Variants in KIAA1549 observed in about 807,000 individuals in gnomAD.
KIAA1549 encodes UPF0606 protein KIAA1549.
A neutral mutation model predicts 156.4 loss-of-function variants in KIAA1549; 70 were observed. The observed-to-expected ratio is 0.45, with a 90% CI of 0.37 to 0.55. KIAA1549 has a LOEUF of 0.55. Among genes scored for constraint, KIAA1549 ranks in the 20% least tolerant of loss-of-function variants. The probability of loss-of-function intolerance (pLI) is 0.00; values close to 1 mark genes in which losing one functional copy is unlikely to be tolerated. For missense variants in KIAA1549, 2,428 were observed against 2,540.9 expected (o/e 0.96, Z 0.96); for synonymous variants, 1,103 against 1,066.4 (o/e 1.03, Z -0.67).
intron 1 of KIAA1549, among the ~76,000 whole-genome samples, chr7:138,931,929 T>C (rs1207372010): frequency 6.6e-6 from 1 of 152,102 alleles, no homozygotes; most frequent in Non-Finnish European, 1.5e-5. Flanking sequence ...AGTTTTAAGG[T>C]TTTGTTTTTC....
intron 17 of KIAA1549, among the ~76,000 whole-genome samples, chr7:138,851,797 C>T (rs1305520429): frequency 6.6e-6 from 1 of 152,192 alleles, no homozygotes; most frequent in African/African-American, 2.4e-5. Context: ...GGTCTCCCCT[C>T]GTGCTCCCAG....
chr7:138,881,726 AG>A, intron 10 of KIAA1549, 142 bp from the exon 11 acceptor site: 1 of 705,804 alleles, frequency 1.4e-6, no homozygotes. Flanking sequence ...ACTGCATGCC[AG>A]GTTCTGTTTA....
At chr7:138,912,606 C>T (rs1050334261) in intron 2 of KIAA1549, 146 bp from the exon 3 acceptor site, 1 of 667,272 alleles carries the variant, frequency 1.5e-6, no homozygotes, top group Non-Finnish European at 2.7e-6. Flanking sequence ...CAAGACAGAA[C>T]AGGGGTTAAG....
At position 138,917,923 on chromosome 7, in the gene KIAA1549, G is replaced by A. The variant is rs1254894251; in HGVS notation, c.1703C>T (p.Ser568Leu). Residue 568 changes from serine (S) to leucine (L), a missense_variant, in exon 2 of 20, where the codon TCA (serine) becomes TTA (leucine). Ser to Leu is a moderately radical substitution (Grantham distance 145, BLOSUM62 -2). Transcript: ENST00000422774. Reference sequence around the variant, plus strand: ...TTTGTTTGCTATGACAGAGAAAGATGAGTCAAGGAGAATGCTGGTGATGAC... The same window carrying A: ...TTTGTTTGCTATGACAGAGAAAGATAAGTCAAGGAGAATGCTGGTGATGAC... The part of the protein sequence containing the change: ...FSVITSILLD[S>L]SFSVIANKNT... 1.3e-6 allele frequency: 2 copies of A among 1,597,820 alleles called. No homozygotes were observed. Among genetic ancestry groups the A allele is most frequent in the Non-Finnish European group, 8.5e-7 (1 of 1,172,134 alleles).
At chr7:138,906,880 C>T in intron 6 of KIAA1549, 39 bp downstream of exon 6, 1 of 1,357,992 alleles carries the variant, frequency 7.4e-7, no homozygotes, top group Non-Finnish European at 9.6e-7. Context: ...AAAATGCCCG[C>T]CATCACCTCC....
At chr7:138,856,429 G>A (rs961500785) in intron 16 of KIAA1549, among the ~76,000 whole-genome samples, 3 of 152,046 alleles carry the variant, frequency 2.0e-5, no homozygotes, top group African/African-American at 2.4e-5. Flanking sequence ...TTGAAGGCTC[G>A]CTGATTCTTC....
In KIAA1549 at chr7:138,917,904, T is replaced by C; in HGVS notation, c.1722A>G (p.Ala574=). ...ILLDSSFSVI[A]NKNTPSLAVR... ...CGGCAAGCGACGGTGTGTTTTTGTT[T>C]GCTATGACAGAGAAAGATGAGTCAA... The change falls in exon 2 of 20, where the codon GCA becomes GCG. Residue 574 remains alanine, a synonymous_variant. Coordinates refer to ENST00000422774, the MANE Select transcript of KIAA1549 (RefSeq NM_001164665.2). 6.2e-7 allele frequency: 1 copy of C among 1,602,094 alleles called. No individual in the cohort carries two copies. Among genetic ancestry groups the C allele is most frequent in the Non-Finnish European group, 8.5e-7 (1 of 1,174,312 alleles).
At chr7:138,853,915 T>G (rs1299292749) in intron 16 of KIAA1549, among the ~76,000 whole-genome samples, 1 of 152,148 alleles carries the variant, frequency 6.6e-6, no homozygotes, top group Non-Finnish European at 1.5e-5. Context: ...CCTACCAAAG[T>G]CTCAGGAGTT....
chr7:138,932,390 A>G (rs1486509672), intron 1 of KIAA1549, among the ~76,000 whole-genome samples: 1 of 147,582 alleles, frequency 6.8e-6, no homozygotes. Flanking sequence ...GCATGTCTGG[A>G]AAGGAACAGA....
At position 138,860,925 on chromosome 7, in the gene KIAA1549, G is replaced by A. The variant is rs146400082; in HGVS notation, c.5247+214C>T. On this transcript the variant is annotated intron_variant, in intron 16 of 19. Transcript: ENST00000422774. ...CTCCTGCCTTGGCCTCCTAAATTGC[G>A]GGGATTACAGGCATGAGCCTGTAAA... Among the ~76,000 whole-genome samples the A allele has an allele frequency of 3.8e-3, 586 of 152,262 alleles. 5 individuals carry two copies. Among genetic ancestry groups the A allele is most frequent in the African/African-American group, 0.014 (567 of 41,538 alleles).
At chr7:138,893,165 T>G (rs10270572) in intron 10 of KIAA1549, among the ~76,000 whole-genome samples, 51,954 of 152,114 alleles carry the variant, frequency 0.34, 11,683 homozygotes, top group African/African-American at 0.65. Context: ...AAACATACGT[T>G]GGAAAAGAAA....
chr7:138,868,377 G>C (rs559273335), intron 14 of KIAA1549, among the ~76,000 whole-genome samples: 2 of 152,280 alleles, frequency 1.3e-5, no homozygotes, highest in East Asian at 3.9e-4. Flanking sequence ...ATTCAGAAAA[G>C]AAGTCAGTGG....
Position 138,911,320 on chromosome 7 carries a change from A to G in KIAA1549, c.2971T>C (p.Tyr991His). The G allele has an allele frequency of 6.4e-7, 1 of 1,569,970 alleles. No individual in the cohort carries two copies. Among genetic ancestry groups the G allele is most frequent in the Non-Finnish European group, 8.7e-7 (1 of 1,154,216 alleles). The part of the protein sequence containing the change: ...HFNRAVELKV[Y>H]ELFTDFTFLV... ...AAAGTGAAGTCAGTAAATAGTTCGT[A>G]AACCTAGGGAAATAAGAAATACAAA... Residue 991 changes from tyrosine to histidine, a missense_variant, in exon 4 of 20, where the codon TAC becomes CAC. Physicochemically the swap from Tyr to His is moderately conservative, Grantham distance 83. Coordinates refer to ENST00000422774, the MANE Select transcript of KIAA1549 (RefSeq NM_001164665.2).
chr7:138,930,427 G>A (rs1481846412), intron 1 of KIAA1549, among the ~76,000 whole-genome samples: 1 of 152,214 alleles, frequency 6.6e-6, no homozygotes, highest in Non-Finnish European at 1.5e-5. Context: ...AGCTGTGAAA[G>A]TCCTAGATGA....
intron 1 of KIAA1549, among the ~76,000 whole-genome samples, chr7:138,975,072 G>C (rs527742547): frequency 6.6e-6 from 1 of 152,284 alleles, no homozygotes; most frequent in East Asian, 1.9e-4. Flanking sequence ...AAGGTCGGGG[G>C]TGGGCCCTGA....
At chr7:138,870,886 C>T (rs1346609070) in intron 13 of KIAA1549, among the ~76,000 whole-genome samples, 1 of 152,128 alleles carries the variant, frequency 6.6e-6, no homozygotes, top group African/African-American at 2.4e-5. Context: ...GGCGAGATCC[C>T]GGCTCAGTGC....
Position 138,897,867 on chromosome 7 carries a change from T to TG in KIAA1549, c.3847+1087dup, listed in dbSNP as rs1207197619. Among the ~76,000 whole-genome samples, 4 of 105,434 alleles carry TG rather than the reference T, an allele frequency of 3.8e-5. No homozygotes were observed. The East Asian group carries it at 1.2e-3, about 32-fold the overall frequency. 69.2% of individuals were successfully genotyped at this position (105,434 alleles called of 152,430 possible). ...ACGATCAAGCCACTGCACTCCAGCC[T>TG]GGGTGACAGAGCAAGACCCTTTCTC... On this transcript the variant is annotated intron_variant, in intron 9 of 19. Coordinates refer to ENST00000422774, the MANE Select transcript of KIAA1549 (RefSeq NM_001164665.2).
At chr7:138,870,980 G>A (rs1349195899) in intron 13 of KIAA1549, among the ~76,000 whole-genome samples, 177 bp downstream of exon 13, 2 of 152,096 alleles carry the variant, frequency 1.3e-5, no homozygotes, top group African/African-American at 4.8e-5. Context: ...ACCACGCCCA[G>A]CTAATTTTGT....
intron 1 of KIAA1549, among the ~76,000 whole-genome samples, chr7:138,946,096 G>A (rs1474699306): frequency 2.7e-5 from 4 of 150,010 alleles, no homozygotes; most frequent in East Asian, 3.9e-4. Context: ...CCAGTCCCAC[G>A]TTCTTACTGC....
Sources: gnomAD v4.1 joint callset for allele counts (sites outside exome capture counted in the v4.1 genomes callset) on GRCh38, gnomAD v4.1.1 for gene constraint, MANE v1.5 for transcripts, NCBI Gene and HGNC (gene_info 2026-07-23, HGNC 2026-07-21) for gene names.